The following GPC5 variants were observed in gnomAD, a reference collection of about 807,000 sequenced individuals.
GPC5 encodes the protein glypican-5.
Under a neutral mutation model 53.9 loss-of-function variants are expected in GPC5, and 47 were observed. The observed-to-expected ratio is 0.87, with a 90% CI of 0.69 to 1.11. GPC5 has a LOEUF of 1.11. GPC5 is among the 50% of genes most tolerant of loss of function. The pLI is 0.00. For synonymous variants in GPC5, 286 were observed against 263.3 expected (o/e 1.09, Z -0.84); for missense variants, 748 against 713.1 (o/e 1.05, Z -0.56).
chr13:91,793,446 C>A (rs563370805), intron 5 of GPC5, among the ~76,000 whole-genome samples: 78 of 152,230 alleles, frequency 5.1e-4, no homozygotes, highest in Non-Finnish European at 9.3e-4. Context: ...ACATGTAGCT[C>A]TTTCCAAAGA....
intron 1 of GPC5, among the ~76,000 whole-genome samples, chr13:91,408,447 C>T (rs1467493344): frequency 6.6e-6 from 1 of 152,078 alleles, no homozygotes; most frequent in Non-Finnish European, 1.5e-5. Context: ...TTTGTCCATT[C>T]ATCTGCTGAT....
At chr13:92,316,258 T>G (rs2139216823) in intron 7 of GPC5, among the ~76,000 whole-genome samples, 1 of 152,168 alleles carries the variant, frequency 6.6e-6, no homozygotes, top group East Asian at 1.9e-4. Context: ...ATCCAGTAAA[T>G]GGTTGCGATT....
intron 7 of GPC5, among the ~76,000 whole-genome samples, chr13:92,190,280 G>A (rs947632326): frequency 1.3e-5 from 2 of 152,020 alleles, no homozygotes; most frequent in Non-Finnish European, 2.9e-5. Context: ...TAGACAAACA[G>A]AATTTTAGAG....
chr13:91,711,933 C>A (rs188119860), intron 3 of GPC5, among the ~76,000 whole-genome samples: 24 of 152,282 alleles, frequency 1.6e-4, no homozygotes, highest in Admixed American at 1.2e-3. Flanking sequence ...GGGTCCCCCA[C>A]ATTAAAGAAG....
At chr13:91,539,145 G>A (rs900928051) in intron 2 of GPC5, among the ~76,000 whole-genome samples, 1 of 152,018 alleles carries the variant, frequency 6.6e-6, no homozygotes, top group African/African-American at 2.4e-5. Context: ...TTAGTTTTAG[G>A]GACCTATGCT....
intron 4 of GPC5, among the ~76,000 whole-genome samples, chr13:91,753,147 G>A (rs563564179): frequency 1.3e-5 from 2 of 152,286 alleles, no homozygotes; most frequent in South Asian, 4.1e-4. Context: ...ATGTCTGCCT[G>A]CCTGAATATT....
chr13:91,429,621 T>C (rs1013496006), intron 1 of GPC5, among the ~76,000 whole-genome samples: 1 of 152,202 alleles, frequency 6.6e-6, no homozygotes, highest in Non-Finnish European at 1.5e-5. Flanking sequence ...TATAAAGTTA[T>C]GGAAGTGATG....
At chr13:91,545,034 T>C (rs970278155) in intron 2 of GPC5, among the ~76,000 whole-genome samples, 4 of 152,166 alleles carry the variant, frequency 2.6e-5, no homozygotes, top group African/African-American at 9.7e-5. Flanking sequence ...GACATGGTTG[T>C]TGGCTTTTTC....
chr13:92,515,471 C>T (rs1185384286), intron 7 of GPC5, among the ~76,000 whole-genome samples: 2 of 152,126 alleles, frequency 1.3e-5, no homozygotes, highest in African/African-American at 4.8e-5. Context: ...GTATGAAGTT[C>T]TCGACCCAGT....
chr13:92,342,004 TAA>T (rs1484527739), intron 7 of GPC5, among the ~76,000 whole-genome samples: 2 of 152,276 alleles, frequency 1.3e-5, no homozygotes, highest in African/African-American at 4.8e-5. Context: ...ACTATTATCC[TAA>T]AGTTTTCATT....
chr13:91,932,131 T>G (rs145177666), intron 6 of GPC5, among the ~76,000 whole-genome samples: 1 of 152,018 alleles, frequency 6.6e-6, no homozygotes, highest in East Asian at 1.9e-4. Context: ...TACCAAACTT[T>G]TCTTAAGAAT....
At chr13:91,724,682 C>T (rs1404500037) in intron 3 of GPC5, among the ~76,000 whole-genome samples, 2 of 151,622 alleles carry the variant, frequency 1.3e-5, no homozygotes, top group African/African-American at 4.9e-5. Flanking sequence ...GATCCCATCT[C>T]TACAAAAAAA....
intron 6 of GPC5, among the ~76,000 whole-genome samples, chr13:91,925,007 G>C (rs1238365242): frequency 6.6e-6 from 1 of 151,914 alleles, no homozygotes; most frequent in Non-Finnish European, 1.5e-5. Context: ...TTTTAGTAAA[G>C]ACGAGGTTTC....
intron 7 of GPC5, among the ~76,000 whole-genome samples, chr13:92,174,175 T>C (rs1021598961): frequency 2.6e-4 from 39 of 151,906 alleles, no homozygotes; most frequent in African/African-American, 9.0e-4. Context: ...CTTTACGTCA[T>C]TAAAAAAATA....
intron 2 of GPC5, among the ~76,000 whole-genome samples, chr13:91,597,036 C>A (rs1180221444): frequency 6.6e-6 from 1 of 152,196 alleles, no homozygotes; most frequent in Non-Finnish European, 1.5e-5. Flanking sequence ...CCTGGCTCTG[C>A]ATGAGCTCCT....
At chr13:92,124,750 A>G (rs190922551) in intron 6 of GPC5, among the ~76,000 whole-genome samples, 1 of 151,308 alleles carries the variant, frequency 6.6e-6, no homozygotes, top group Non-Finnish European at 1.5e-5. Flanking sequence ...AGAGCAGGAT[A>G]AAAAAAAACT....
chr13:92,349,453 C>CTT (rs71120097), intron 7 of GPC5, among the ~76,000 whole-genome samples: 4 of 143,236 alleles, frequency 2.8e-5, no homozygotes, highest in Non-Finnish European at 4.6e-5. Flanking sequence ...CAGGTTTTTT[C>CTT]TTTTTTTTTT....
chr13:92,806,701 T>G (rs986013269), intron 7 of GPC5, among the ~76,000 whole-genome samples: 1 of 151,996 alleles, frequency 6.6e-6, no homozygotes, highest in Admixed American at 6.6e-5. Flanking sequence ...GAATGGCTGG[T>G]TAGTGGAGCA....
intron 7 of GPC5, among the ~76,000 whole-genome samples, chr13:92,286,702 A>G (rs112234827): frequency 0.14 from 18,482 of 130,818 alleles, 1,520 homozygotes; most frequent in South Asian, 0.33. Context: ...ACTTGGACAC[A>G]GGAAGGGGAA....
Sources: allele counts gnomAD v4.1 joint callset (sites outside exome capture counted in the v4.1 genomes callset), GRCh38; gene constraint gnomAD v4.1.1; transcripts MANE v1.5; gene names NCBI Gene and HGNC (gene_info 2026-07-23, HGNC 2026-07-21).